ARHGAP21: variants seen among roughly 807,000 people sequenced by gnomAD.
ARHGAP21 encodes rho GTPase-activating protein 21.
Under a neutral mutation model 164.6 loss-of-function variants are expected in ARHGAP21, and 38 were observed. That is an observed-to-expected ratio of 0.23 (90% CI 0.18 to 0.30). The LOEUF is 0.30. Among genes scored for constraint, ARHGAP21 ranks in the 10% least tolerant of loss-of-function variants. ARHGAP21 has a pLI of 1.00. For missense variants in ARHGAP21, 1,822 were observed against 2,370.7 expected, an observed-to-expected ratio of 0.77 and a Z score of 4.81; for synonymous variants, 766 against 857.9, an observed-to-expected ratio of 0.89 and a Z score of 1.87.
chr10:24,694,753 C>T (rs1843007996), intron 2 of ARHGAP21, among the ~76,000 whole-genome samples: 1 of 152,026 alleles, frequency 6.6e-6, no homozygotes, highest in Admixed American at 6.6e-5. Context: ...TTAAGTCCTC[C>T]TAGAAAAGAA....
At chr10:24,655,639 G>A (rs1278717623) in intron 4 of ARHGAP21, among the ~76,000 whole-genome samples, 5 of 143,858 alleles carry the variant, frequency 3.5e-5, no homozygotes, top group Non-Finnish European at 6.1e-5. Flanking sequence ...CCGCCACCCC[G>A]TCTGGGAAGT....
rs1326497159 is a variant in ARHGAP21, at chr10:24,723,795, G to C, written c.-614C>G. The C allele has an allele frequency of 1.4e-5, 2 of 147,902 alleles. No homozygotes were observed. Among genetic ancestry groups the C allele is most frequent in the Non-Finnish European group, 3.0e-5 (2 of 66,606 alleles). The allele number at this position is 147,902 out of a possible 1,614,324, so 9.2% of individuals were successfully genotyped here. A position where few individuals can be genotyped will look rare whatever the true frequency, so the allele number is the denominator to read the frequency against. On this transcript the variant is annotated 5_prime_UTR_variant, in exon 1 of 26. Coordinates refer to ENST00000396432, the MANE Select transcript of ARHGAP21 (RefSeq NM_020824.4). ...GCTCTCGGCCGCCGCAGGAGGGCGT[G>C]GGGCGGGGCGGCGGCCGCCGGACTC...
chr10:24,592,381 T>C (rs1186120779), intron 21 of ARHGAP21, among the ~76,000 whole-genome samples: 1 of 152,186 alleles, frequency 6.6e-6, no homozygotes, highest in East Asian at 1.9e-4. Context: ...ACGTTTTTTC[T>C]GCATTAATGA....
intron 4 of ARHGAP21, among the ~76,000 whole-genome samples, chr10:24,661,746 A>G (rs550741543): frequency 3.3e-5 from 5 of 152,384 alleles, no homozygotes; most frequent in South Asian, 4.1e-4. Context: ...GATAAAAATC[A>G]TAACATTCTG....
chr10:24,591,432 T>G, intron 23 of ARHGAP21, 102 bp from the exon 24 acceptor site: 1 of 1,129,694 alleles, frequency 8.9e-7, no homozygotes, highest in Non-Finnish European at 1.3e-6. Flanking sequence ...GTAAAGCACC[T>G]GTGCTTAATG....
At chr10:24,705,452 C>T (rs988150444) in intron 2 of ARHGAP21, among the ~76,000 whole-genome samples, 1 of 152,090 alleles carries the variant, frequency 6.6e-6, no homozygotes, top group Non-Finnish European at 1.5e-5. Context: ...TTATGCCCAG[C>T]CTAAACTATG....
At chr10:24,666,459 T>C (rs1465786520) in intron 4 of ARHGAP21, among the ~76,000 whole-genome samples, 1 of 152,242 alleles carries the variant, frequency 6.6e-6, no homozygotes, top group Non-Finnish European at 1.5e-5. Context: ...TGGGTGCATT[T>C]TGTTGAGTGT....
intron 2 of ARHGAP21, among the ~76,000 whole-genome samples, chr10:24,720,254 C>CAAAAAAAAAAA (rs55746821): frequency 7.5e-6 from 1 of 133,800 alleles, no homozygotes. Context: ...CTTAAATGAC[C>CAAAAAAAAAAA]AAAAAAAAAA....
At position 24,607,876 on chromosome 10, in the gene ARHGAP21, T is replaced by A; in HGVS notation, c.2450A>T (p.His817Leu). Residue 817 changes from histidine (H) to leucine (L), a missense_variant, in exon 10 of 26, where the codon CAT (histidine) becomes CTT (leucine). Around this residue, in one of 5 missense-constraint regions of ARHGAP21, gnomAD observed 1,090 missense variants for 1,378.9 expected, o/e 0.79. Transcript: ENST00000396432. The stretch of plus-strand genomic sequence containing the variant: ...AGAGGCAGGGATATGTGCAATATCA[T>A]GATCAATGCTAGGGCTAGTTGGTTC... ...IDEPTSPSIDHDIAHIPASAV... is the reference protein window; with the variant it reads ...IDEPTSPSIDLDIAHIPASAV... 1 of 1,613,266 alleles carries A rather than the reference T, an allele frequency of 6.2e-7. No homozygotes were observed. The highest frequency in any genetic ancestry group is 8.5e-7 in the Non-Finnish European group (1 of 1,179,674).
At chr10:24,627,582 C>T (rs1350001008) in intron 7 of ARHGAP21, among the ~76,000 whole-genome samples, 2 of 152,132 alleles carry the variant, frequency 1.3e-5, no homozygotes, top group African/African-American at 2.4e-5. Flanking sequence ...TATACCAGAA[C>T]TCTTTACTGC....
In ARHGAP21 at chr10:24,621,458, C is replaced by T. The variant is rs535539030; in HGVS notation, c.526-89G>A. 9.2e-6 allele frequency: 11 copies of T among 1,196,026 alleles called. No individual in the cohort carries two copies. The South Asian group carries it at 1.4e-4, about 16-fold the overall frequency. 74.1% of individuals were successfully genotyped at this position (1,196,026 alleles called of 1,614,324 possible). ...TACAGTGCACTATTTTATCTATGTC[C>T]TACCTCGTTCCTGAGTGACATTCAC... On this transcript the variant is annotated intron_variant, in intron 8 of 25. Coordinates refer to ENST00000396432, the MANE Select transcript of ARHGAP21 (RefSeq NM_020824.4).
chr10:24,653,418 C>CA (rs1003583827), intron 4 of ARHGAP21, among the ~76,000 whole-genome samples: 7 of 151,716 alleles, frequency 4.6e-5, no homozygotes, highest in Middle Eastern at 3.4e-3. Flanking sequence ...ACTAAAAATA[C>CA]AAAAAAAATT....
At chr10:24,687,913 T>C (rs1842366794) in intron 2 of ARHGAP21, among the ~76,000 whole-genome samples, 1 of 152,258 alleles carries the variant, frequency 6.6e-6, no homozygotes, top group Non-Finnish European at 1.5e-5. Flanking sequence ...ACTATGATTA[T>C]CAGAAACTCA....
chr10:24,687,664 T>C (rs993376414), intron 2 of ARHGAP21, among the ~76,000 whole-genome samples: 6 of 152,224 alleles, frequency 3.9e-5, no homozygotes, highest in African/African-American at 1.2e-4. Flanking sequence ...AAGGAACAGA[T>C]TGCATTTCTG....
intron 2 of ARHGAP21, among the ~76,000 whole-genome samples, chr10:24,704,178 C>T (rs1490663385): frequency 6.6e-6 from 1 of 152,008 alleles, no homozygotes; most frequent in Non-Finnish European, 1.5e-5. Flanking sequence ...GCCTGGCTCC[C>T]AAAGTACTGA....
In ARHGAP21 at chr10:24,645,585, G is replaced by GA. The variant is rs34672775; in HGVS notation, c.269-10483dup. On this transcript the variant is annotated intron_variant, in intron 4 of 25. Coordinates refer to ENST00000396432, the MANE Select transcript of ARHGAP21 (RefSeq NM_020824.4). ...AGCAATAGAGTGAGGCTCTGTCTCA[G>GA]AAAAAAAAAAAAAAAAGTAGTTTCT... Among the ~76,000 whole-genome samples the GA allele has an allele frequency of 6.5e-3, 755 of 116,290 alleles. 4 individuals carry two copies. Among genetic ancestry groups the GA allele is most frequent in the Middle Eastern group, 0.024 (5 of 212 alleles). The allele number at this position is 116,290 out of a possible 152,430, so 76.3% of individuals were successfully genotyped here. A position where few individuals can be genotyped will look rare whatever the true frequency, so the allele number is the denominator to read the frequency against.
intron 2 of ARHGAP21, among the ~76,000 whole-genome samples, chr10:24,705,038 G>A (rs1168263968): frequency 6.6e-6 from 1 of 152,124 alleles, no homozygotes. Context: ...CTGGCTTACT[G>A]GATCAATGCA....
intron 2 of ARHGAP21, among the ~76,000 whole-genome samples, chr10:24,678,404 C>T (rs1841475788): frequency 6.6e-6 from 1 of 152,086 alleles, no homozygotes; most frequent in Non-Finnish European, 1.5e-5. Context: ...CATAACTATA[C>T]CTACACCTGC....
chr10:24,612,625 C>T (rs11014176), intron 9 of ARHGAP21, among the ~76,000 whole-genome samples: 23,760 of 152,120 alleles, frequency 0.16, 2,415 homozygotes, highest in Non-Finnish European at 0.22. Flanking sequence ...GAGGCCAAGG[C>T]GGGCGGATCA....
Sources: gnomAD v4.1 joint callset for allele counts (sites outside exome capture counted in the v4.1 genomes callset) on GRCh38, gnomAD v4.1.1 for gene constraint, gnomAD v4.1.1 regional missense constraint, MANE v1.5 for transcripts, NCBI Gene and HGNC (gene_info 2026-07-23, HGNC 2026-07-21) for gene names.